Variants in RFC3 observed in about 807,000 individuals in gnomAD.
RFC3 encodes A1 38 kDa subunit.
Under a neutral mutation model 45.1 loss-of-function variants are expected in RFC3, and 41 were observed. The ratio of observed to expected loss-of-function variants is 0.91; its 90% confidence interval spans 0.71 to 1.18. RFC3 has a LOEUF of 1.18. Among genes scored for constraint, RFC3 ranks in the 50% most tolerant of loss-of-function variants. The pLI is 0.00. For missense variants in RFC3, 423 were observed against 428.1 expected, an observed-to-expected ratio of 0.99 and a Z score of 0.10; for synonymous variants, 149 against 144.0, an observed-to-expected ratio of 1.03 and a Z score of -0.25.
At chr13:33,914,433 A>T (rs967129445) in intron 8 of RFC3, among the ~76,000 whole-genome samples, 14 of 152,248 alleles carry the variant, frequency 9.2e-5, no homozygotes, top group African/African-American at 3.1e-4. Context: ...AAAAGTCCAA[A>T]CTACCAGAAA....
chr13:33,921,725 C>T (rs2082770046), intron 8 of RFC3, among the ~76,000 whole-genome samples: 2 of 152,084 alleles, frequency 1.3e-5, no homozygotes, highest in South Asian at 2.1e-4. Flanking sequence ...GGAACAAAGA[C>T]ACCCTCTGGG....
At chr13:33,838,277 A>G (rs888093867), downstream of RFC3, among the ~76,000 whole-genome samples, 1 of 152,078 alleles carries the variant, frequency 6.6e-6, no homozygotes, top group East Asian at 1.9e-4. Context: ...TACTGTGAAA[A>G]TCTACTTTTT....
intron 8 of RFC3, among the ~76,000 whole-genome samples, chr13:33,960,505 T>G (rs2083050040): frequency 6.6e-6 from 1 of 152,218 alleles, no homozygotes; most frequent in Non-Finnish European, 1.5e-5. Flanking sequence ...ACAGCCAGTG[T>G]TAACCTACCT....
intron 8 of RFC3, among the ~76,000 whole-genome samples, chr13:33,917,293 G>A (rs2082739164): frequency 6.6e-6 from 1 of 152,078 alleles, no homozygotes; most frequent in African/African-American, 2.4e-5. Context: ...ATTGCAAACA[G>A]AGTAGACTTT....
intron 8 of RFC3, among the ~76,000 whole-genome samples, chr13:33,949,020 T>A (rs1306314479): frequency 6.6e-6 from 1 of 152,106 alleles, no homozygotes; most frequent in Admixed American, 6.5e-5. Context: ...ATGATTGTGT[T>A]TTGAAATGTG....
chr13:33,868,984 C>G (rs747853840), intron 8 of RFC3, among the ~76,000 whole-genome samples: 5 of 152,104 alleles, frequency 3.3e-5, no homozygotes, highest in Non-Finnish European at 4.4e-5. Flanking sequence ...CTTCTGGGTG[C>G]TAGTTTGAGA....
At chr13:33,970,541 G>A (rs2083105536), downstream of RFC3, among the ~76,000 whole-genome samples, 1 of 152,214 alleles carries the variant, frequency 6.6e-6, no homozygotes, top group South Asian at 2.1e-4. Context: ...GTAAATGACT[G>A]TCTTAGTTTG....
At chr13:33,835,381 A>G in intron 8 of RFC3, 164 bp downstream of exon 8, 1 of 741,794 alleles carries the variant, frequency 1.3e-6, no homozygotes, top group East Asian at 2.5e-5. Flanking sequence ...CTATTAGAGG[A>G]ATGCTGAAGA....
chr13:33,976,291 A>G, the RFC3 span, among the ~76,000 whole-genome samples: 1 of 152,188 alleles, frequency 6.6e-6, no homozygotes, highest in African/African-American at 2.4e-5. Context: ...CATAAATGGA[A>G]CTGGAAGTCA....
intron 8 of RFC3, among the ~76,000 whole-genome samples, chr13:33,957,705 G>A (rs551067788): frequency 7.6e-4 from 116 of 152,110 alleles, no homozygotes; most frequent in Non-Finnish European, 1.1e-3. Flanking sequence ...TAGCACAAGC[G>A]CAAGCCCACT....
chr13:33,950,877 T>G (rs1311809389), intron 8 of RFC3, among the ~76,000 whole-genome samples: 2 of 151,796 alleles, frequency 1.3e-5, no homozygotes, highest in Non-Finnish European at 2.9e-5. Flanking sequence ...CTCCTCTAAT[T>G]TGGTATTCAC....
intron 3 of RFC3, among the ~76,000 whole-genome samples, chr13:33,824,557 T>C (rs773588035): frequency 1.4e-4 from 21 of 152,134 alleles, no homozygotes; most frequent in Non-Finnish European, 2.2e-4. Context: ...TTGGGTAAGC[T>C]GCTATGATCT....
chr13:33,872,470 A>T (rs1037642229), intron 8 of RFC3, among the ~76,000 whole-genome samples: 1 of 152,230 alleles, frequency 6.6e-6, no homozygotes, highest in African/African-American at 2.4e-5. Flanking sequence ...GCGGTGGCTC[A>T]CGCCTGTAAT....
In RFC3 at chr13:33,837,498, T is replaced by G. The variant is rs1392024123; in HGVS notation, c.*1203T>G. 1 of 152,180 alleles carries G rather than the reference T, an allele frequency of 6.6e-6. No individual in the cohort carries two copies. Among genetic ancestry groups the G allele is most frequent in the African/African-American group, 2.4e-5 (1 of 41,462 alleles). 9.4% of individuals were successfully genotyped at this position (152,180 alleles called of 1,614,324 possible). A position where few individuals can be genotyped will look rare whatever the true frequency, so the allele number is the denominator to read the frequency against. On this transcript the variant is annotated 3_prime_UTR_variant, in exon 9 of 9. Transcript: ENST00000380071. ...TTATGAATAAAGTTGCTGTGAATAC[T>G]TACGTGTAAGTCTTTTTGTGGACAG...
At chr13:33,831,397 A>G (rs781298550) in intron 7 of RFC3, 43 bp downstream of exon 7, 6 of 1,022,754 alleles carry the variant, frequency 5.9e-6, no homozygotes, top group African/African-American at 3.2e-5. Context: ...CATTATCAGG[A>G]TATCATAGGA....
intron 8 of RFC3, among the ~76,000 whole-genome samples, chr13:33,864,112 A>G (rs1186417956): frequency 6.6e-6 from 1 of 152,090 alleles, no homozygotes; most frequent in Admixed American, 6.6e-5. Flanking sequence ...ACATTGTGAG[A>G]GAGGGAGTGA....
chr13:33,927,050 C>CAAT (rs1444899506), intron 8 of RFC3, among the ~76,000 whole-genome samples: 1 of 151,798 alleles, frequency 6.6e-6, no homozygotes, highest in African/African-American at 2.4e-5. Context: ...TATATCATAT[C>CAAT]AATATATTAT....
At chr13:33,935,360 A>G (rs1177199933) in intron 8 of RFC3, among the ~76,000 whole-genome samples, 2 of 152,196 alleles carry the variant, frequency 1.3e-5, no homozygotes, top group African/African-American at 2.4e-5. Flanking sequence ...CTCTCATTCC[A>G]TAATGCAAAA....
intron 8 of RFC3, among the ~76,000 whole-genome samples, chr13:33,871,386 C>A (rs1008808594): frequency 6.6e-6 from 1 of 152,140 alleles, no homozygotes; most frequent in Non-Finnish European, 1.5e-5. Flanking sequence ...TTCCAGAGGC[C>A]TTTTGCAATC....
Sources: gnomAD v4.1 joint callset for allele counts (sites outside exome capture counted in the v4.1 genomes callset) on GRCh38, gnomAD v4.1.1 for gene constraint, MANE v1.5 for transcripts, NCBI Gene and HGNC (gene_info 2026-07-23, HGNC 2026-07-21) for gene names.